Variants in BBS9 observed in about 807,000 individuals in gnomAD.
BBS9 encodes Bardet-Biedl syndrome 9, also known as protein PTHB1.
Under a neutral mutation model 117.7 loss-of-function variants are expected in BBS9, and 89 were observed. The ratio of observed to expected loss-of-function variants is 0.76; its 90% CI spans 0.64 to 0.90. The LOEUF is 0.90. Ranked by LOEUF, BBS9 falls within the 40% of genes least tolerant of loss-of-function variation. BBS9 has a pLI of 0.00. For synonymous variants in BBS9, 379 were observed against 370.9 expected, an observed-to-expected ratio of 1.02 and a Z score of -0.25; for missense variants, 982 against 1,042.2, an observed-to-expected ratio of 0.94 and a Z score of 0.80.
At chr7:33,219,892 G>C (rs1003881598) in intron 5 of BBS9, among the ~76,000 whole-genome samples, 8 of 152,162 alleles carry the variant, frequency 5.3e-5, no homozygotes, top group Admixed American at 3.9e-4. Flanking sequence ...TCACTCTTTG[G>C]GTCCACACTG....
chr7:33,430,896 A>T (rs1834342717), intron 19 of BBS9, among the ~76,000 whole-genome samples: 1 of 152,126 alleles, frequency 6.6e-6, no homozygotes, highest in Admixed American at 6.6e-5. Context: ...GAAAGATTTG[A>T]CAATGGTACT....
chr7:33,280,510 C>G (rs1801606146), intron 9 of BBS9, among the ~76,000 whole-genome samples: 1 of 152,154 alleles, frequency 6.6e-6, no homozygotes, highest in South Asian at 2.1e-4. Flanking sequence ...CATAAATAAG[C>G]CTTTCCTGCT....
chr7:33,156,562 G>A (rs1341243823), intron 4 of BBS9, among the ~76,000 whole-genome samples: 1 of 152,192 alleles, frequency 6.6e-6, no homozygotes, highest in African/African-American at 2.4e-5. Flanking sequence ...TACTGACTGA[G>A]TTGGATATTC....
chr7:33,164,416 T>C (rs1334747333), intron 4 of BBS9, among the ~76,000 whole-genome samples: 1 of 152,216 alleles, frequency 6.6e-6, no homozygotes, highest in Non-Finnish European at 1.5e-5. Context: ...ATCTGTCTAA[T>C]GTTGACAGTG....
intron 19 of BBS9, among the ~76,000 whole-genome samples, chr7:33,495,801 A>G (rs545895428): frequency 5.1e-4 from 77 of 152,242 alleles, no homozygotes; most frequent in African/African-American, 1.8e-3. Context: ...TTTCCTTTCA[A>G]CTGATTAAGT....
chr7:33,279,021 A>T (rs1392110346), intron 9 of BBS9, among the ~76,000 whole-genome samples: 3 of 152,202 alleles, frequency 2.0e-5, no homozygotes, highest in Admixed American at 6.5e-5. Context: ...AATTATTACT[A>T]ACTTAGCTAT....
intron 5 of BBS9, among the ~76,000 whole-genome samples, chr7:33,217,319 G>A (rs1233675455): frequency 6.6e-6 from 1 of 152,002 alleles, no homozygotes; most frequent in Non-Finnish European, 1.5e-5. Flanking sequence ...AACAGGTTGT[G>A]TATTATTAAT....
At chr7:33,474,959 G>A (rs1411655743) in intron 19 of BBS9, among the ~76,000 whole-genome samples, 1 of 152,098 alleles carries the variant, frequency 6.6e-6, no homozygotes, top group African/African-American at 2.4e-5. Flanking sequence ...CAAACAAAAA[G>A]GAATGCTTTC....
chr7:33,559,527 C>T lies in BBS9; in HGVS notation c.2521+25351C>T, dbSNP rs191637227. On this transcript the variant is annotated intron_variant, in intron 21 of 22. Transcript: ENST00000242067. ...CGAAGCTTCAGATAGCAGCCTTACC[C>T]GATAAAAACAGGATTGTGTCTTGGG... Among the ~76,000 whole-genome samples, 411 of 152,174 alleles carry T rather than the reference C, an allele frequency of 2.7e-3. 1 individual carries two copies. The highest frequency in any genetic ancestry group is 4.5e-3 in the Non-Finnish European group (308 of 68,004).
intron 21 of BBS9, among the ~76,000 whole-genome samples, chr7:33,579,695 A>G (rs1859545353): frequency 6.6e-6 from 1 of 152,132 alleles, no homozygotes; most frequent in African/African-American, 2.4e-5. Context: ...ACCCCTGATG[A>G]TGGTGAAAAA....
intron 5 of BBS9, among the ~76,000 whole-genome samples, chr7:33,208,890 A>G (rs1018750368): frequency 6.6e-6 from 1 of 152,154 alleles, no homozygotes; most frequent in African/African-American, 2.4e-5. Flanking sequence ...CATACAATGC[A>G]TAATCACATC....
At chr7:33,367,911 A>C (rs762117413) in intron 17 of BBS9, 49 bp downstream of exon 17, 17 of 1,417,340 alleles carry the variant, frequency 1.2e-5, no homozygotes, top group Non-Finnish European at 1.6e-5. Context: ...TTCTAAGGAT[A>C]CCACATCACA....
chr7:33,165,758 C>T (rs1019070893), intron 4 of BBS9, among the ~76,000 whole-genome samples: 3 of 152,054 alleles, frequency 2.0e-5, no homozygotes, highest in African/African-American at 4.8e-5. Flanking sequence ...AGGTTTTTAG[C>T]TTCGTTGTGA....
chr7:33,213,657 C>T lies in BBS9; in HGVS notation c.442+36066C>T, dbSNP rs543430893. Among the ~76,000 whole-genome samples the T allele has an allele frequency of 7.2e-5, 11 of 152,270 alleles. 1 individual carries two copies. The East Asian group carries it at 9.7e-4, about 13-fold the overall frequency. On this transcript the variant is annotated intron_variant, in intron 5 of 22. Transcript: ENST00000242067. The stretch of plus-strand genomic sequence containing the variant: ...CTGTGTACTACCTGGGTATTGCTGC[C>T]GGTTATTCAGGGCTCAGGGGCTCTT...
chr7:33,344,553 T>C, intron 11 of BBS9, 28 bp from the exon 12 acceptor site: 1 of 1,610,634 alleles, frequency 6.2e-7, no homozygotes, highest in Non-Finnish European at 8.5e-7. Flanking sequence ...CATCATTCTT[T>C]CTTGCCTTCT....
intron 19 of BBS9, among the ~76,000 whole-genome samples, chr7:33,397,950 T>C (rs1052446181): frequency 2.6e-5 from 4 of 151,932 alleles, no homozygotes; most frequent in Non-Finnish European, 4.4e-5. Context: ...AACCTGCACA[T>C]CCTGCACATG....
chr7:33,572,670 G>T (rs1222609867), intron 21 of BBS9, among the ~76,000 whole-genome samples: 1 of 151,974 alleles, frequency 6.6e-6, no homozygotes, highest in Non-Finnish European at 1.5e-5. Context: ...TTGTGGTTTT[G>T]ATTTGCATTT....
At position 33,620,578 on chromosome 7, in the gene BBS9, T is replaced by A. The variant is rs188465492; in HGVS notation, c.2522-14599T>A. On this transcript the variant is annotated intron_variant, in intron 21 of 21. Coordinates refer to the BBS9 transcript ENST00000671952. The stretch of plus-strand genomic sequence containing the variant: ...TACACTGAAAACTATAAAGCATTGA[T>A]GAAAAAAAAGGAAAAAAACACAAAT... Among the ~76,000 whole-genome samples, 9 of 151,892 alleles carry A rather than the reference T, an allele frequency of 5.9e-5. No individual in the cohort carries two copies. In the East Asian group the frequency reaches 1.7e-3, roughly 29 times the overall value.
At position 33,483,882 on chromosome 7, in the gene BBS9, C is replaced by T. The variant is rs553317803; in HGVS notation, c.2116-21581C>T. ...CAAACTCCTTGCCTCAAGTGATTCT[C>T]CTACCTTTGACTCCCAAAATGTTGG... On this transcript the variant is annotated intron_variant, in intron 19 of 22. Coordinates refer to ENST00000242067, the MANE Select transcript of BBS9 (RefSeq NM_198428.3). 2.6e-5 allele frequency among the ~76,000 whole-genome samples: 4 copies of T among 152,266 alleles called. No individual in the cohort carries two copies. The East Asian group carries it at 7.7e-4, about 29-fold the overall frequency.
Sources: gnomAD v4.1 joint callset for allele counts (sites outside exome capture counted in the v4.1 genomes callset) on GRCh38, gnomAD v4.1.1 for gene constraint, MANE v1.5 for transcripts, NCBI Gene and HGNC (gene_info 2026-07-23, HGNC 2026-07-21) for gene names.